Variants in PXDNL observed in about 807,000 individuals in gnomAD.
PXDNL encodes peroxidasin like.
PXDNL carries 145 observed loss-of-function variants against 150.8 expected under a neutral mutation model. That is an observed-to-expected ratio of 0.96 (90% confidence interval 0.84 to 1.10). The LOEUF is 1.10. Among genes scored for constraint, PXDNL ranks in the 50% least tolerant of loss-of-function variants. The pLI is 0.00. For missense variants in PXDNL, 2,087 were observed against 1,873.9 expected (o/e 1.11, Z -2.10); for synonymous variants, 757 against 725.7 (o/e 1.04, Z -0.69).
chr8:51,499,649 A>G, intron 5 of PXDNL, 50 bp downstream of exon 5: 7 of 1,428,952 alleles, frequency 4.9e-6, no homozygotes, highest in Non-Finnish European at 5.9e-6. Context: ...GGTTGTATAA[A>G]TGGAAAATGT....
intron 17 of PXDNL, among the ~76,000 whole-genome samples, chr8:51,390,061 C>A (rs992775591): frequency 1.3e-5 from 2 of 151,766 alleles, no homozygotes; most frequent in African/African-American, 2.4e-5. Flanking sequence ...CCATGCCCCC[C>A]CCACCAAAAA....
At chr8:51,639,659 G>T (rs1216611805) in intron 2 of PXDNL, among the ~76,000 whole-genome samples, 5 of 152,164 alleles carry the variant, frequency 3.3e-5, no homozygotes. Context: ...CCAGGAAGAA[G>T]TTGAATCTCT....
chr8:51,543,710 C>CAAAAAAAAAA (rs572642373), intron 4 of PXDNL, among the ~76,000 whole-genome samples: 3 of 60,440 alleles, frequency 5.0e-5, no homozygotes, highest in Non-Finnish European at 7.5e-5. Flanking sequence ...GACTCCATAT[C>CAAAAAAAAAA]AAAAAAAAAA....
chr8:51,783,928 G>C (rs1014196570), intron 1 of PXDNL, among the ~76,000 whole-genome samples: 1 of 152,164 alleles, frequency 6.6e-6, no homozygotes, highest in Admixed American at 6.5e-5. Context: ...TGGAGGTTCA[G>C]TTCTTAAAAT....
intron 5 of PXDNL, among the ~76,000 whole-genome samples, chr8:51,493,637 C>T (rs891071761): frequency 6.6e-6 from 1 of 152,144 alleles, no homozygotes; most frequent in Admixed American, 6.5e-5. Context: ...GACGAATGCA[C>T]AAGCCTCAGT....
chr8:51,382,572 G>A (rs1807581325), intron 17 of PXDNL, among the ~76,000 whole-genome samples: 1 of 152,002 alleles, frequency 6.6e-6, no homozygotes, highest in South Asian at 2.1e-4. Flanking sequence ...ATGTATCTTT[G>A]AAGAGACCAT....
intron 3 of PXDNL, among the ~76,000 whole-genome samples, chr8:51,564,868 T>C (rs1041439445): frequency 2.0e-5 from 3 of 152,000 alleles, no homozygotes; most frequent in African/African-American, 7.2e-5. Context: ...TAATCACTTA[T>C]TAGTTCTAAG....
At chr8:51,780,701 C>T (rs538320495) in intron 1 of PXDNL, among the ~76,000 whole-genome samples, 22 of 135,406 alleles carry the variant, frequency 1.6e-4, no homozygotes, top group Admixed American at 5.1e-4. Context: ...CTCTTGTCAC[C>T]CAGGCTGGAG....
intron 4 of PXDNL, among the ~76,000 whole-genome samples, chr8:51,516,185 A>G (rs1811531406): frequency 6.6e-6 from 1 of 152,234 alleles, no homozygotes; most frequent in Admixed American, 6.5e-5. Context: ...TCATTCTGAG[A>G]TGAGTAACAA....
At chr8:51,502,658 G>A (rs1486705878) in intron 4 of PXDNL, among the ~76,000 whole-genome samples, 1 of 139,796 alleles carries the variant, frequency 7.2e-6, no homozygotes, top group Non-Finnish European at 1.5e-5. Context: ...TATAAGCCCA[G>A]TAGAAGTGTT....
chr8:51,438,075 A>C (rs925509283), intron 12 of PXDNL, among the ~76,000 whole-genome samples: 1 of 152,210 alleles, frequency 6.6e-6, no homozygotes. Flanking sequence ...AAAAAATAAA[A>C]TAAAATAAAC....
chr8:51,640,211 A>G (rs1314439519), intron 2 of PXDNL, among the ~76,000 whole-genome samples: 7 of 152,202 alleles, frequency 4.6e-5, no homozygotes, highest in Non-Finnish European at 5.9e-5. Flanking sequence ...TCTCAAAATA[A>G]TAAGAGCTAT....
Position 51,483,580 on chromosome 8 carries a change from T to C in PXDNL, c.524+63A>G, listed in dbSNP as rs1328942053. 4 of 1,011,090 alleles carry C rather than the reference T, an allele frequency of 4.0e-6. No individual in the cohort carries two copies. The African/African-American group carries it at 6.6e-5, about 17-fold the overall frequency. 62.6% of individuals were successfully genotyped at this position (1,011,090 alleles called of 1,614,324 possible). A position where few individuals can be genotyped will look rare whatever the true frequency, so the allele number is the denominator to read the frequency against. ...GCAGGAGAAGGCAACCAACCATTGT[T>C]TGGGATGGATTTTGGAGGAAATTAT... is the stretch of plus-strand genomic sequence containing the variant. On this transcript the variant is annotated intron_variant, in intron 6 of 22. Coordinates refer to ENST00000356297, the MANE Select transcript of PXDNL (RefSeq NM_144651.5).
chr8:51,453,028 T>C (rs1262459504), intron 10 of PXDNL, among the ~76,000 whole-genome samples: 1 of 152,002 alleles, frequency 6.6e-6, no homozygotes, highest in Non-Finnish European at 1.5e-5. Context: ...GTGCCTTCTT[T>C]ATAACACGAT....
chr8:51,453,587 C>A lies in PXDNL; in HGVS notation c.1181G>T (p.Gly394Val). Residue 394 changes from glycine (G) to valine (V), a missense_variant, in exon 10 of 23, where the codon GGT becomes GTT. Gly to Val is a moderately radical substitution (Grantham distance 109, BLOSUM62 -3). Transcript: ENST00000356297. Reference sequence around the variant, plus strand: ...ATTGTTGGCATGACAGGTAAATCGACCATGATCCCGTTGTGTGATGTTCTG... The same window carrying A: ...ATTGTTGGCATGACAGGTAAATCGAACATGATCCCGTTGTGTGATGTTCTG... ...YLQNITQRDH[G>V]RFTCHANNSH... 6.2e-7 allele frequency: 1 copy of A among 1,613,996 alleles called. No individual in the cohort carries two copies. Among genetic ancestry groups the A allele is most frequent in the Non-Finnish European group, 8.5e-7 (1 of 1,179,884 alleles).
chr8:51,506,899 C>T (rs1458268036), intron 4 of PXDNL, among the ~76,000 whole-genome samples: 1 of 152,192 alleles, frequency 6.6e-6, no homozygotes, highest in Non-Finnish European at 1.5e-5. Flanking sequence ...CACCCTCTAA[C>T]CAAATTCATT....
At chr8:51,552,859 C>CA (rs1227091736) in intron 4 of PXDNL, among the ~76,000 whole-genome samples, 1 of 152,026 alleles carries the variant, frequency 6.6e-6, no homozygotes, top group South Asian at 2.1e-4. Context: ...AAAAGATAGA[C>CA]AAAAAATTAA....
chr8:51,660,218 C>T (rs1264980050), intron 1 of PXDNL, among the ~76,000 whole-genome samples: 1 of 152,014 alleles, frequency 6.6e-6, no homozygotes, highest in Admixed American at 6.6e-5. Context: ...ATAGTGTGCG[C>T]AGTACAGATG....
intron 1 of PXDNL, among the ~76,000 whole-genome samples, chr8:51,659,188 A>G (rs922495664): frequency 2.0e-5 from 3 of 152,230 alleles, no homozygotes; most frequent in African/African-American, 7.2e-5. Context: ...ATGAAATAAT[A>G]TTTATGATAA....
Sources: gnomAD v4.1 joint callset for allele counts (sites outside exome capture counted in the v4.1 genomes callset) on GRCh38, gnomAD v4.1.1 for gene constraint, MANE v1.5 for transcripts, NCBI Gene and HGNC (gene_info 2026-07-23, HGNC 2026-07-21) for gene names.